The following TFDP1 variants were observed in gnomAD, a reference collection of about 807,000 sequenced individuals.
The protein encoded by TFDP1 is transcription factor Dp-1.
Under a neutral mutation model 48.0 loss-of-function variants are expected in TFDP1, and 6 were observed. That is an observed-to-expected ratio of 0.13 (90% CI 0.07 to 0.25). The LOEUF (loss-of-function observed/expected upper bound fraction) is 0.25. Ranked by LOEUF, TFDP1 falls within the 10% of genes least tolerant of loss-of-function variation. The pLI, the probability that TFDP1 is intolerant of heterozygous loss-of-function variation, is 1.00. For missense variants in TFDP1, 335 were observed against 543.0 expected, an observed-to-expected ratio of 0.62 and a Z score of 3.81; for synonymous variants, 201 against 211.6, an observed-to-expected ratio of 0.95 and a Z score of 0.44.
chr13:113,586,343 C>T (rs918280322), intron 2 of TFDP1, among the ~76,000 whole-genome samples: 3 of 152,068 alleles, frequency 2.0e-5, no homozygotes, highest in Non-Finnish European at 4.4e-5. Flanking sequence ...GTTTTGGCCA[C>T]TTTTTTTCTC....
At chr13:113,614,996 G>T (rs2048821781) in intron 3 of TFDP1, among the ~76,000 whole-genome samples, 1 of 152,134 alleles carries the variant, frequency 6.6e-6, no homozygotes, top group East Asian at 1.9e-4. Context: ...GCTGAATAAT[G>T]GATAGAGCAC....
intron 2 of TFDP1, among the ~76,000 whole-genome samples, chr13:113,591,099 C>T (rs938473156): frequency 6.6e-6 from 1 of 150,456 alleles, no homozygotes; most frequent in African/African-American, 2.4e-5. Flanking sequence ...GCCTGTAATC[C>T]CGGAGGCCAA....
intron 2 of TFDP1, among the ~76,000 whole-genome samples, chr13:113,600,816 C>G (rs952682645): frequency 7.0e-6 from 1 of 142,950 alleles, no homozygotes; most frequent in Non-Finnish European, 1.5e-5. Flanking sequence ...GCTACAGGAC[C>G]GTGAGAGACA....
At chr13:113,596,181 A>G (rs1210428242) in intron 2 of TFDP1, among the ~76,000 whole-genome samples, 1 of 152,234 alleles carries the variant, frequency 6.6e-6, no homozygotes, top group Non-Finnish European at 1.5e-5. Context: ...CTTGAATGAA[A>G]ATATTTCGTG....
intron 3 of TFDP1, among the ~76,000 whole-genome samples, chr13:113,614,812 G>A (rs1412825366): frequency 2.0e-5 from 3 of 152,226 alleles, no homozygotes; most frequent in South Asian, 2.1e-4. Context: ...TAGTGGGGCC[G>A]TCAGGGCGGA....
At chr13:113,625,380 G>A (rs555822714) in intron 4 of TFDP1, among the ~76,000 whole-genome samples, 7 of 127,920 alleles carry the variant, frequency 5.5e-5, no homozygotes, top group Admixed American at 3.2e-4. Flanking sequence ...CGTCTCTCAC[G>A]TGTCCTCAGG....
chr13:113,600,725 C>T (rs935080795), intron 2 of TFDP1, among the ~76,000 whole-genome samples: 2 of 146,850 alleles, frequency 1.4e-5, no homozygotes. Flanking sequence ...GGCTCCAGGA[C>T]CATGAGAGAG....
chr13:113,595,054 G>GTT (rs149935451), intron 2 of TFDP1, among the ~76,000 whole-genome samples: 1 of 152,208 alleles, frequency 6.6e-6, no homozygotes, highest in African/African-American at 2.4e-5. Context: ...TATTGTCAGT[G>GTT]TTTTCTCTGG....
At chr13:113,640,079 G>T in intron 11 of TFDP1, 41 bp from the exon 12 acceptor site, 1 of 1,477,164 alleles carries the variant, frequency 6.8e-7, no homozygotes, top group Non-Finnish European at 9.2e-7. Flanking sequence ...GGCTGGGTGG[G>T]CCGCCTGCAC....
At chr13:113,624,319 G>C (rs913236327) in intron 4 of TFDP1, among the ~76,000 whole-genome samples, 33 of 151,526 alleles carry the variant, frequency 2.2e-4, no homozygotes, top group African/African-American at 7.5e-4. Context: ...GCATACCCAG[G>C]TGTCCTCACG....
chr13:113,610,683 T>C (rs1257136916), intron 2 of TFDP1, among the ~76,000 whole-genome samples: 1 of 152,284 alleles, frequency 6.6e-6, no homozygotes, highest in Non-Finnish European at 1.5e-5. Context: ...AAATAGAATG[T>C]GTTTAACATT....
At chr13:113,626,898 T>G (rs1224458033) in intron 4 of TFDP1, among the ~76,000 whole-genome samples, 1 of 152,214 alleles carries the variant, frequency 6.6e-6, no homozygotes, top group Non-Finnish European at 1.5e-5. Flanking sequence ...TAGCACCACT[T>G]TCGTCTTTAC....
At chr13:113,639,375 A>G (rs2049584710) in intron 11 of TFDP1, among the ~76,000 whole-genome samples, 1 of 152,230 alleles carries the variant, frequency 6.6e-6, no homozygotes, top group East Asian at 1.9e-4. Context: ...TCATAGTGGC[A>G]TGATGAGACA....
intron 3 of TFDP1, among the ~76,000 whole-genome samples, chr13:113,616,047 A>G (rs1594477189): frequency 6.6e-6 from 1 of 152,112 alleles, no homozygotes; most frequent in East Asian, 1.9e-4. Context: ...CACTAAAAAT[A>G]TAAAAATTAG....
intron 2 of TFDP1, among the ~76,000 whole-genome samples, chr13:113,599,550 G>A: frequency 6.6e-6 from 1 of 152,370 alleles, no homozygotes; most frequent in Non-Finnish European, 1.5e-5. Flanking sequence ...AACCCTCAAA[G>A]GTGTTGGGTG....
At chr13:113,624,988 T>C (rs1346170967) in intron 4 of TFDP1, among the ~76,000 whole-genome samples, 5 of 117,730 alleles carry the variant, frequency 4.2e-5, no homozygotes, top group Non-Finnish European at 7.0e-5. Context: ...TGTCCTCAGG[T>C]GTCTCTCACG....
At chr13:113,613,293 C>T (rs149048349) in intron 3 of TFDP1, among the ~76,000 whole-genome samples, 228 of 152,308 alleles carry the variant, frequency 1.5e-3, no homozygotes, top group East Asian at 7.9e-3. Flanking sequence ...GGATTACAGG[C>T]GGGAGCCACT....
rs766724907 is a variant in TFDP1 at position 113,640,261 on chromosome 13, C to T, written c.1227C>T (p.Asp409=). The T allele has an allele frequency of 1.1e-5, 18 of 1,611,138 alleles. No homozygotes were observed. The highest frequency in any genetic ancestry group is 1.1e-4 in the East Asian group (5 of 44,814). ...EDDDFNENDE[D]D is the part of the protein sequence containing the mutation. ...ATGACTTCAACGAGAATGACGAGGA[C>T]GACTGACGTCCTCCCCACTTCAGAT... Residue 409 remains aspartate, a synonymous_variant, in exon 12 of 12, where the codon GAC becomes GAT. Coordinates refer to ENST00000375370, the MANE Select transcript of TFDP1 (RefSeq NM_007111.5).
chr13:113,631,835 T>C, intron 5 of TFDP1, 91 bp downstream of exon 5: 1 of 1,531,448 alleles, frequency 6.5e-7, no homozygotes. Flanking sequence ...CACACAGTCG[T>C]GCGATGGGGC....
Sources: gnomAD v4.1 joint callset for allele counts (sites outside exome capture counted in the v4.1 genomes callset) on GRCh38, gnomAD v4.1.1 for gene constraint, MANE v1.5 for transcripts, NCBI Gene and HGNC (gene_info 2026-07-23, HGNC 2026-07-21) for gene names.